Variants in CALN1 observed in about 807,000 individuals in gnomAD.
CALN1 encodes calneuron 1.
CALN1 carries 17 observed loss-of-function variants against 30.6 expected under a neutral mutation model. That is an observed-to-expected ratio of 0.56 (90% CI 0.38 to 0.83). CALN1 has a LOEUF of 0.83. Ranked by LOEUF, CALN1 falls within the 40% of genes least tolerant of loss-of-function variation. CALN1 has a pLI of 0.00. For missense variants in CALN1, 291 were observed against 354.9 expected (o/e 0.82, Z 1.45); for synonymous variants, 156 against 131.4 (o/e 1.19, Z -1.28).
intron 5 of CALN1, among the ~76,000 whole-genome samples, chr7:71,984,153 G>GCC (rs1798544418): frequency 6.6e-6 from 1 of 152,152 alleles, no homozygotes; most frequent in African/African-American, 2.4e-5. Context: ...AGGTGAAACA[G>GCC]CACAGATGAG....
At chr7:72,289,695 A>G (rs1375897991) in intron 2 of CALN1, among the ~76,000 whole-genome samples, 1 of 152,180 alleles carries the variant, frequency 6.6e-6, no homozygotes, top group African/African-American at 2.4e-5. Context: ...AATCACAAAT[A>G]ATAGTAAAAT....
intron 3 of CALN1, among the ~76,000 whole-genome samples, chr7:72,253,558 CAG>C (rs1252133971): frequency 2.0e-5 from 3 of 152,168 alleles, no homozygotes; most frequent in Admixed American, 6.5e-5. Flanking sequence ...GCAAGAGAAA[CAG>C]AGAACGTGCA....
intron 3 of CALN1, among the ~76,000 whole-genome samples, chr7:72,207,743 T>C (rs1203764412): frequency 6.6e-6 from 1 of 152,178 alleles, no homozygotes; most frequent in Non-Finnish European, 1.5e-5. Flanking sequence ...ACACAATGCA[T>C]GTTTGTTAAG....
At chr7:72,050,589 G>A (rs1802771972) in intron 4 of CALN1, among the ~76,000 whole-genome samples, 1 of 152,108 alleles carries the variant, frequency 6.6e-6, no homozygotes, top group Non-Finnish European at 1.5e-5. Flanking sequence ...GATCAATGAA[G>A]AATACAAATG....
intron 2 of CALN1, among the ~76,000 whole-genome samples, chr7:72,369,155 G>A (rs970396567): frequency 6.6e-6 from 1 of 151,626 alleles, no homozygotes. Context: ...AAATCTTACT[G>A]ACACACAATA....
At chr7:72,083,378 A>C (rs897750853) in intron 4 of CALN1, among the ~76,000 whole-genome samples, 4 of 152,040 alleles carry the variant, frequency 2.6e-5, no homozygotes, top group Non-Finnish European at 5.9e-5. Context: ...AGAGATATGG[A>C]AATTATTTAA....
At chr7:72,429,761 G>GTA (rs143345640) in intron 1 of CALN1, among the ~76,000 whole-genome samples, 57,445 of 147,262 alleles carry the variant, frequency 0.39, 11,562 homozygotes, top group East Asian at 0.66. Context: ...ATACACATCT[G>GTA]TATATATATA....
At chr7:72,491,259 A>T in the CALN1 span, among the ~76,000 whole-genome samples, 1 of 151,594 alleles carries the variant, frequency 6.6e-6, no homozygotes, top group Non-Finnish European at 1.5e-5. Context: ...AAAACAAAAA[A>T]CAAAATGATG....
chr7:71,978,697 A>G (rs1379624890), intron 5 of CALN1, among the ~76,000 whole-genome samples: 2 of 152,156 alleles, frequency 1.3e-5, no homozygotes, highest in African/African-American at 4.8e-5. Context: ...CATTGTGCAT[A>G]TAGAGAGAGA....
chr7:72,133,839 A>T (rs1809326387), intron 3 of CALN1, among the ~76,000 whole-genome samples: 1 of 152,242 alleles, frequency 6.6e-6, no homozygotes, highest in South Asian at 2.1e-4. Flanking sequence ...CTATGAAGGA[A>T]CATCAGACAA....
chr7:71,811,166 G>A (rs1787932929), intron 5 of CALN1, among the ~76,000 whole-genome samples: 1 of 151,976 alleles, frequency 6.6e-6, no homozygotes, highest in Non-Finnish European at 1.5e-5. Flanking sequence ...CAAAGTGCTA[G>A]GATTACAGGC....
At chr7:71,915,817 T>C (rs975372537) in intron 5 of CALN1, among the ~76,000 whole-genome samples, 3 of 152,018 alleles carry the variant, frequency 2.0e-5, no homozygotes, top group African/African-American at 7.2e-5. Context: ...CTACCTTTAG[T>C]GGACCCAGTT....
intron 3 of CALN1, among the ~76,000 whole-genome samples, chr7:72,244,393 C>T (rs540155705): frequency 3.3e-5 from 5 of 152,248 alleles, no homozygotes; most frequent in South Asian, 2.1e-4. Flanking sequence ...GTTCCTACAA[C>T]GTACAAGACT....
chr7:72,191,101 G>A (rs1376727694), intron 3 of CALN1, among the ~76,000 whole-genome samples: 4 of 152,208 alleles, frequency 2.6e-5, no homozygotes, highest in Non-Finnish European at 4.4e-5. Flanking sequence ...TAGTGTGAGA[G>A]ACAGATGCGC....
At chr7:72,395,161 A>G (rs1562944861) in intron 2 of CALN1, among the ~76,000 whole-genome samples, 1 of 152,194 alleles carries the variant, frequency 6.6e-6, no homozygotes, top group African/African-American at 2.4e-5. Context: ...TATCTCCAAC[A>G]TGCAGCACTG....
Position 71,784,968 on chromosome 7 carries a change from CCT to C in CALN1, c.*2805_*2806del. ...TTGGCTGCCTGACAAGGAAGGCTTC[CCT>C]ATACCCAAGACAAACTGTCCAAGCA... On this transcript the variant is annotated 3_prime_UTR_variant, in exon 7 of 7. Coordinates refer to ENST00000395275, the MANE Select transcript of CALN1 (RefSeq NM_031468.4). 2.5e-6 allele frequency: 1 copy of C among 397,890 alleles called. No individual in the cohort carries two copies. The highest frequency in any genetic ancestry group is 3.6e-5 in the East Asian group (1 of 28,058). 24.6% of individuals were successfully genotyped at this position (397,890 alleles called of 1,614,324 possible).
chr7:72,161,601 G>C (rs1050909885), intron 3 of CALN1, among the ~76,000 whole-genome samples: 1 of 152,118 alleles, frequency 6.6e-6, no homozygotes, highest in Admixed American at 6.6e-5. Context: ...CTAAAATGTG[G>C]AACTCTCTGC....
At position 71,785,431 on chromosome 7, in the gene CALN1, CAGA is replaced by C. The variant is rs1445540943; in HGVS notation, c.*2341_*2343del. ...AGGGTCTCTGTTCTCCAGCAGGAGG[CAGA>C]AGAACTCGCAGAAAAGCCACCTTCA... On this transcript the variant is annotated 3_prime_UTR_variant, in exon 7 of 7. Coordinates refer to ENST00000395275, the MANE Select transcript of CALN1 (RefSeq NM_031468.4). The C allele has an allele frequency of 6.6e-6, 1 of 152,228 alleles. No homozygotes were observed. Among genetic ancestry groups the C allele is most frequent in the Non-Finnish European group, 1.5e-5 (1 of 68,078 alleles). The allele number at this position is 152,228 out of a possible 1,614,324, so 9.4% of individuals were successfully genotyped here.
At chr7:71,918,570 T>C (rs1368072409) in intron 5 of CALN1, among the ~76,000 whole-genome samples, 2 of 152,176 alleles carry the variant, frequency 1.3e-5, no homozygotes, top group African/African-American at 4.8e-5. Flanking sequence ...AGCACAAGAA[T>C]GAGAAAATCT....
Sources: allele counts gnomAD v4.1 joint callset (sites outside exome capture counted in the v4.1 genomes callset), GRCh38; gene constraint gnomAD v4.1.1; transcripts MANE v1.5; gene names NCBI Gene and HGNC (gene_info 2026-07-23, HGNC 2026-07-21).